Variants in EDIL3 observed in about 807,000 individuals in gnomAD.
EDIL3 encodes EGF like and discoidin domains 3.
Under a neutral mutation model 67.4 loss-of-function variants are expected in EDIL3, and 37 were observed. That is an observed-to-expected ratio of 0.55 (90% CI 0.42 to 0.72). EDIL3 has a LOEUF of 0.72. Among genes scored for constraint, EDIL3 ranks in the 30% least tolerant of loss-of-function variants. The probability of loss-of-function intolerance (pLI) is 0.00; values close to 1 mark genes in which losing one functional copy is unlikely to be tolerated. For synonymous variants in EDIL3, 195 were observed against 196.3 expected, an observed-to-expected ratio of 0.99 and a Z score of 0.05; for missense variants, 527 against 586.3, an observed-to-expected ratio of 0.90 and a Z score of 1.04.
chr5:84,274,784 GAC>G (rs986571513), intron 1 of EDIL3, among the ~76,000 whole-genome samples: 1 of 95,894 alleles, frequency 1.0e-5, no homozygotes, highest in Admixed American at 1.2e-4. Flanking sequence ...TACACATACA[GAC>G]ACACACAGAC....
At chr5:84,128,130 G>A (rs923120851) in intron 5 of EDIL3, among the ~76,000 whole-genome samples, 1 of 152,052 alleles carries the variant, frequency 6.6e-6, no homozygotes, top group African/African-American at 2.4e-5. Context: ...GAAAACTGCG[G>A]CTAGGGTCAC....
At chr5:84,005,842 G>A (rs966279447) in intron 9 of EDIL3, among the ~76,000 whole-genome samples, 4 of 151,564 alleles carry the variant, frequency 2.6e-5, no homozygotes, top group Non-Finnish European at 5.9e-5. Context: ...GCAAGAGAAA[G>A]AAAAAAAGCA....
At chr5:84,098,421 A>C (rs539722887) in intron 6 of EDIL3, among the ~76,000 whole-genome samples, 1 of 152,288 alleles carries the variant, frequency 6.6e-6, no homozygotes, top group Non-Finnish European at 1.5e-5. Context: ...TGATCAACAC[A>C]GAAACTCTGG....
intron 9 of EDIL3, among the ~76,000 whole-genome samples, chr5:83,972,367 T>G (rs1744808788): frequency 6.6e-6 from 1 of 152,046 alleles, no homozygotes; most frequent in Non-Finnish European, 1.5e-5. Flanking sequence ...GATTCAGATG[T>G]CACAGTTCAC....
At position 84,224,449 on chromosome 5, in the gene EDIL3, C is replaced by CT. The variant is rs35676054; in HGVS notation, c.226+5405dup. Reference sequence around the variant, plus strand: ...GCAGTCAATATTCAAATTTATATGTCTTTTTTTTCCAAGGGACATAGAAAT... The same window carrying CT: ...GCAGTCAATATTCAAATTTATATGTCTTTTTTTTTCCAAGGGACATAGAAAT... On this transcript the variant is annotated intron_variant, in intron 3 of 10. Coordinates refer to ENST00000296591, the MANE Select transcript of EDIL3 (RefSeq NM_005711.5). Among the ~76,000 whole-genome samples, 6 of 151,042 alleles carry CT rather than the reference C, an allele frequency of 4.0e-5. No homozygotes were observed. In the East Asian group the frequency reaches 7.7e-4, roughly 19 times the overall value.
At chr5:83,966,871 A>G (rs1744700003) in intron 9 of EDIL3, among the ~76,000 whole-genome samples, 1 of 152,132 alleles carries the variant, frequency 6.6e-6, no homozygotes. Flanking sequence ...ATACAGAGAA[A>G]TGGGTGACTA....
intron 1 of EDIL3, among the ~76,000 whole-genome samples, chr5:84,351,361 C>T (rs569348729): frequency 1.6e-3 from 237 of 152,114 alleles, no homozygotes; most frequent in Non-Finnish European, 2.6e-3. Context: ...AAGTAATGGC[C>T]CTAGGTATGT....
chr5:84,294,927 G>T (rs1306855106), intron 1 of EDIL3, among the ~76,000 whole-genome samples: 1 of 152,108 alleles, frequency 6.6e-6, no homozygotes, highest in Non-Finnish European at 1.5e-5. Flanking sequence ...TGAAACAATA[G>T]CAAAATTGAA....
intron 9 of EDIL3, among the ~76,000 whole-genome samples, chr5:84,038,005 T>A (rs938528083): frequency 8.1e-6 from 1 of 123,372 alleles, no homozygotes; most frequent in Non-Finnish European, 1.8e-5. Flanking sequence ...TTTTTTTTTT[T>A]TTTTTTGAGA....
At chr5:84,279,501 C>A (rs1416329999) in intron 1 of EDIL3, among the ~76,000 whole-genome samples, 4 of 152,122 alleles carry the variant, frequency 2.6e-5, no homozygotes, top group African/African-American at 4.8e-5. Context: ...ATAGCTGAAG[C>A]TTTATGAACA....
intron 9 of EDIL3, among the ~76,000 whole-genome samples, chr5:83,972,504 G>A (rs951168701): frequency 1.3e-5 from 2 of 152,024 alleles, no homozygotes; most frequent in African/African-American, 2.4e-5. Flanking sequence ...CAGCAGTCAT[G>A]ACTCATAAGT....
chr5:84,085,885 C>T (rs1159634248), intron 6 of EDIL3, among the ~76,000 whole-genome samples: 1 of 152,314 alleles, frequency 6.6e-6, no homozygotes, highest in South Asian at 2.1e-4. Context: ...TTCAGAGATG[C>T]CCTGCCCAGT....
At chr5:84,237,956 C>A (rs1744712313) in intron 2 of EDIL3, among the ~76,000 whole-genome samples, 1 of 152,150 alleles carries the variant, frequency 6.6e-6, no homozygotes, top group African/African-American at 2.4e-5. Context: ...ATGTGCCTGG[C>A]AGATGCAGCC....
At chr5:83,978,969 T>C (rs923254130) in intron 9 of EDIL3, among the ~76,000 whole-genome samples, 1 of 151,946 alleles carries the variant, frequency 6.6e-6, no homozygotes, top group Non-Finnish European at 1.5e-5. Context: ...AAAATGAAAA[T>C]TTCCATACAA....
chr5:84,080,825 G>A (rs1036817699), intron 6 of EDIL3, among the ~76,000 whole-genome samples: 7 of 152,052 alleles, frequency 4.6e-5, no homozygotes, highest in Non-Finnish European at 1.0e-4. Context: ...AACATAGTAT[G>A]GAATTTAAAT....
chr5:84,106,916 T>G, intron 5 of EDIL3, 86 bp from the exon 6 acceptor site: 1 of 1,421,732 alleles, frequency 7.0e-7, no homozygotes, highest in Non-Finnish European at 9.4e-7. Context: ...AGGATTTTTT[T>G]AAATGATTTG....
intron 3 of EDIL3, among the ~76,000 whole-genome samples, chr5:84,199,303 AT>A (rs1743782570): frequency 6.6e-6 from 1 of 152,038 alleles, no homozygotes; most frequent in Non-Finnish European, 1.5e-5. Flanking sequence ...GATGGAAAAT[AT>A]TTATACTATT....
chr5:84,018,734 C>A (rs1745652479), intron 9 of EDIL3, among the ~76,000 whole-genome samples: 1 of 152,088 alleles, frequency 6.6e-6, no homozygotes, highest in Non-Finnish European at 1.5e-5. Flanking sequence ...TTACGAAACA[C>A]CAAATCCCCA....
At chr5:83,990,792 ATTGC>A in intron 9 of EDIL3, among the ~76,000 whole-genome samples, 1 of 151,970 alleles carries the variant, frequency 6.6e-6, no homozygotes, top group Middle Eastern at 3.4e-3. Context: ...AAACAGGAGA[ATTGC>A]TTGAACCCGA....
Sources: allele counts gnomAD v4.1 joint callset (sites outside exome capture counted in the v4.1 genomes callset), GRCh38; gene constraint gnomAD v4.1.1; transcripts MANE v1.5; gene names NCBI Gene and HGNC (gene_info 2026-07-23, HGNC 2026-07-21).